The following UBE2W variants were observed in gnomAD, a reference collection of about 807,000 sequenced individuals.
UBE2W encodes ubiquitin conjugating enzyme E2 W.
A neutral mutation model predicts 27.2 loss-of-function variants in UBE2W; 18 were observed. The observed-to-expected ratio is 0.66, with a 90% CI of 0.46 to 0.98. The LOEUF is 0.98. Ranked by LOEUF, UBE2W falls within the 50% of genes least tolerant of loss-of-function variation. The pLI, the probability that UBE2W is intolerant of heterozygous loss-of-function variation, is 0.00. For missense variants in UBE2W, 90 were observed against 180.2 expected (o/e 0.50, Z 2.87); for synonymous variants, 53 against 57.2 (o/e 0.93, Z 0.33).
At chr8:73,819,127 C>T (rs1056398406) in intron 3 of UBE2W, among the ~76,000 whole-genome samples, 1 of 152,198 alleles carries the variant, frequency 6.6e-6, no homozygotes, top group African/African-American at 2.4e-5. Flanking sequence ...CTTACTCCTG[C>T]ACATCTTTCA....
intron 2 of UBE2W, among the ~76,000 whole-genome samples, chr8:73,828,351 A>G (rs545798037): frequency 2.1e-5 from 3 of 141,504 alleles, no homozygotes; most frequent in African/African-American, 7.4e-5. Context: ...AAAGGTAATT[A>G]TAACTATACA....
At chr8:73,851,780 T>C (rs1811088506) in intron 1 of UBE2W, among the ~76,000 whole-genome samples, 1 of 151,132 alleles carries the variant, frequency 6.6e-6, no homozygotes, top group Non-Finnish European at 1.5e-5. Context: ...GACAAGTGGA[T>C]GTGCAAAGTG....
Position 73,791,035 on chromosome 8 carries a change from C to T in UBE2W, c.*3067G>A. ...AACAACAAGGAATTAAGATCTTTCT[C>T]CAGGTGAACTGCTGACTATATAGAA... On this transcript the variant is annotated 3_prime_UTR_variant, in exon 6 of 6. Coordinates refer to ENST00000602593, the MANE Select transcript of UBE2W (RefSeq NM_018299.6). 1 of 983,906 alleles carries T rather than the reference C, an allele frequency of 1.0e-6. No homozygotes were observed. 60.9% of individuals were successfully genotyped at this position (983,906 alleles called of 1,614,324 possible).
At chr8:73,822,082 A>G (rs1275114464) in intron 3 of UBE2W, among the ~76,000 whole-genome samples, 2 of 152,186 alleles carry the variant, frequency 1.3e-5, no homozygotes, top group African/African-American at 2.4e-5. Context: ...CAGACAGTCC[A>G]TGACTAAAAT....
At chr8:73,870,531 G>A (rs938812101) in intron 1 of UBE2W, among the ~76,000 whole-genome samples, 5 of 152,032 alleles carry the variant, frequency 3.3e-5, no homozygotes, top group African/African-American at 1.2e-4. Context: ...TTTGGAGGTG[G>A]GAGGTTACAC....
At chr8:73,839,200 G>C (rs996453446) in intron 1 of UBE2W, among the ~76,000 whole-genome samples, 9 of 152,010 alleles carry the variant, frequency 5.9e-5, no homozygotes, top group Non-Finnish European at 8.8e-5. Flanking sequence ...AGAGAGCTGC[G>C]ATGATAGGTA....
intron 3 of UBE2W, among the ~76,000 whole-genome samples, chr8:73,815,944 T>C (rs539696586): frequency 1.3e-5 from 2 of 152,356 alleles, no homozygotes; most frequent in South Asian, 4.1e-4. Context: ...AATCAGTTTA[T>C]TGTTGTAATG....
chr8:73,866,830 A>G, intron 1 of UBE2W, among the ~76,000 whole-genome samples: 1 of 151,918 alleles, frequency 6.6e-6, no homozygotes, highest in South Asian at 2.1e-4. Context: ...TGGGCAGATC[A>G]CAAGGTCAGG....
At chr8:73,809,767 A>G (rs1809070697) in intron 4 of UBE2W, among the ~76,000 whole-genome samples, 1 of 152,032 alleles carries the variant, frequency 6.6e-6, no homozygotes, top group South Asian at 2.1e-4. Context: ...TTTAGTAGAG[A>G]CAGGGTTTCA....
chr8:73,839,243 C>G (rs76014208), intron 1 of UBE2W, among the ~76,000 whole-genome samples: 3,649 of 149,206 alleles, frequency 0.024, 155 homozygotes, highest in African/African-American at 0.086. Flanking sequence ...CTACTTGGTT[C>G]TTCAGTAGGG....
intron 3 of UBE2W, among the ~76,000 whole-genome samples, chr8:73,824,762 G>A (rs561399095): frequency 2.6e-5 from 4 of 152,294 alleles, no homozygotes; most frequent in East Asian, 1.9e-4. Flanking sequence ...TAATGCCATC[G>A]CTGATCTGAC....
At chr8:73,835,729 C>T (rs1346866598) in intron 1 of UBE2W, among the ~76,000 whole-genome samples, 2 of 152,060 alleles carry the variant, frequency 1.3e-5, no homozygotes, top group Non-Finnish European at 2.9e-5. Flanking sequence ...GGCGAGAGAG[C>T]GAGACTTTGC....
chr8:73,839,857 G>A (rs1392903288), intron 1 of UBE2W, among the ~76,000 whole-genome samples: 1 of 148,164 alleles, frequency 6.7e-6, no homozygotes, highest in Non-Finnish European at 1.5e-5. Flanking sequence ...TCAGCCTCCC[G>A]AGTAGGTGGG....
At chr8:73,832,711 C>A (rs1347649166) in intron 1 of UBE2W, among the ~76,000 whole-genome samples, 2 of 152,140 alleles carry the variant, frequency 1.3e-5, no homozygotes, top group Non-Finnish European at 2.9e-5. Context: ...ATCTAAAAAG[C>A]CAGAATCTGA....
exon 5 of UBE2W, chr8:73,780,132 T>A (rs188743416): frequency 6.4e-6 from 1 of 156,520 alleles, no homozygotes; most frequent in Non-Finnish European, 1.4e-5. Flanking sequence ...TGTCTCACAG[T>A]TCTGGAGGCT....
At chr8:73,855,604 C>T (rs1196692880) in intron 1 of UBE2W, among the ~76,000 whole-genome samples, 2 of 151,724 alleles carry the variant, frequency 1.3e-5, no homozygotes, top group African/African-American at 2.4e-5. Context: ...TGGAGTTTCA[C>T]CATGTTGACC....
intron 1 of UBE2W, among the ~76,000 whole-genome samples, chr8:73,869,583 C>A (rs562014166): frequency 1.3e-5 from 2 of 152,042 alleles, no homozygotes; most frequent in Admixed American, 6.5e-5. Flanking sequence ...CCCAGCTACT[C>A]GGGAGGCTGA....
rs1233139164 is a variant in UBE2W at position 73,851,949 on chromosome 8, CT to C, written c.16-21478del. ...GGCAACACAGTAAGACCCAGTCTCTCTTTTTTTTTTTTTTAAAAAAAAAAAA... is the reference window on the plus strand; with the variant it reads ...GGCAACACAGTAAGACCCAGTCTCTCTTTTTTTTTTTTTAAAAAAAAAAAA... On this transcript the variant is annotated intron_variant, in intron 1 of 5. Transcript: ENST00000602593. Among the ~76,000 whole-genome samples the C allele has an allele frequency of 2.0e-3, 224 of 114,416 alleles. 1 individual carries two copies. Among genetic ancestry groups the C allele is most frequent in the Admixed American group, 3.5e-3 (35 of 10,104 alleles). 75.1% of individuals were successfully genotyped at this position (114,416 alleles called of 152,430 possible).
At chr8:73,842,648 T>C (rs1810594919) in intron 1 of UBE2W, among the ~76,000 whole-genome samples, 1 of 149,010 alleles carries the variant, frequency 6.7e-6, no homozygotes, top group Admixed American at 6.7e-5. Context: ...AAAATACATG[T>C]AATTTGTTAA....
Sources: gnomAD v4.1 joint callset for allele counts (sites outside exome capture counted in the v4.1 genomes callset) on GRCh38, gnomAD v4.1.1 for gene constraint, MANE v1.5 for transcripts, NCBI Gene and HGNC (gene_info 2026-07-23, HGNC 2026-07-21) for gene names.